The following ANPEP variants were observed in gnomAD, a reference collection of about 807,000 sequenced individuals.
ANPEP encodes aminopeptidase N.
A neutral mutation model predicts 114.6 loss-of-function variants in ANPEP; 70 were observed. That is an observed-to-expected ratio of 0.61 (90% CI 0.50 to 0.75). ANPEP has a LOEUF of 0.75. Ranked by LOEUF, ANPEP falls within the 30% of genes least tolerant of loss-of-function variation. The pLI is 0.00. For missense variants in ANPEP, 1,184 were observed against 1,259.5 expected (o/e 0.94, Z 0.91); for synonymous variants, 548 against 522.3 (o/e 1.05, Z -0.67).
At chr15:89,785,530 C>T (rs200889173) in intron 20 of ANPEP, 29 bp from the exon 21 acceptor site, 28 of 1,562,576 alleles carry the variant, frequency 1.8e-5, no homozygotes, top group South Asian at 5.6e-5. Flanking sequence ...ATTCTCAGTC[C>T]GGCTGGGTCC....
chr15:89,798,047 C>T (rs534957022), intron 14 of ANPEP, among the ~76,000 whole-genome samples: 3 of 152,354 alleles, frequency 2.0e-5, no homozygotes, highest in South Asian at 2.1e-4. Flanking sequence ...ACACACCTCA[C>T]GAGAGACAGA....
At chr15:89,793,164 T>G in intron 15 of ANPEP, 38 bp from the exon 16 acceptor site, 1 of 1,556,174 alleles carries the variant, frequency 6.4e-7, no homozygotes, top group Non-Finnish European at 8.9e-7. Flanking sequence ...CAAAGACTCA[T>G]GCCTGACCTG....
intron 20 of ANPEP, among the ~76,000 whole-genome samples, chr15:89,786,716 G>A: frequency 6.6e-6 from 1 of 151,062 alleles, no homozygotes; most frequent in African/African-American, 2.4e-5. Flanking sequence ...GCAAATTGGA[G>A]GACTCACACT....
At chr15:89,809,093 G>A (rs181382814) in intron 1 of ANPEP, among the ~76,000 whole-genome samples, 3 of 152,312 alleles carry the variant, frequency 2.0e-5, no homozygotes, top group Admixed American at 6.5e-5. Flanking sequence ...GCGAAATCAG[G>A]TGTCAGGAAG....
Position 89,802,790 on chromosome 15 carries a change from C to T in ANPEP, c.1569+449G>A, listed in dbSNP as rs192933143. The T allele has an allele frequency of 2.4e-4, 46 of 191,960 alleles. 1 individual carries two copies. The East Asian group carries it at 4.7e-3, about 20-fold the overall frequency. 11.9% of individuals were successfully genotyped at this position (191,960 alleles called of 1,614,324 possible). A position where few individuals can be genotyped will look rare whatever the true frequency, so the allele number is the denominator to read the frequency against. On this transcript the variant is annotated intron_variant, in intron 10 of 20. Transcript: ENST00000300060. ...GTGCGGGGTCTGATGGAGAGGAACTCGAGCCGGGGCAGGGGCAGAGGGCAG... is the reference window on the plus strand; with the variant it reads ...GTGCGGGGTCTGATGGAGAGGAACTTGAGCCGGGGCAGGGGCAGAGGGCAG...
chr15:89,803,511 G>A lies in ANPEP; in HGVS notation c.1438-4C>T, dbSNP rs369880876. The A allele has an allele frequency of 1.0e-5, 16 of 1,607,066 alleles. No individual in the cohort carries two copies. The highest frequency in any genetic ancestry group is 1.3e-5 in the Non-Finnish European group (15 of 1,178,646). On this transcript the variant is annotated splice_polypyrimidine_tract_variant and splice_region_variant and intron_variant, in intron 8 of 20. Transcript: ENST00000300060. The surrounding 1 kb of genome is among the most constrained non-coding windows in gnomAD (Gnocchi z 4.2). ...GCATCCTGAGGACTGAGGCGCCCTG[G>A]GGTGGGGGTGAGGGGGCGCTCAGAA...
intron 14 of ANPEP, among the ~76,000 whole-genome samples, chr15:89,798,967 CAAA>C (rs138909527): frequency 1.6e-5 from 2 of 124,416 alleles, no homozygotes; most frequent in African/African-American, 5.5e-5. Context: ...AACAAACAAA[CAAA>C]AACAAAAACA....
chr15:89,790,085 TAAAAG>T (rs1968590617), intron 20 of ANPEP, among the ~76,000 whole-genome samples: 1 of 81,098 alleles, frequency 1.2e-5, no homozygotes, highest in East Asian at 3.1e-4. Context: ...ATAAAAAAAA[TAAAAG>T]AATGCGTTTA....
chr15:89,785,212 A>G lies in ANPEP; in HGVS notation c.*137T>C. 8.6e-7 allele frequency: 1 copy of G among 1,167,448 alleles called. No homozygotes were observed. Among genetic ancestry groups the G allele is most frequent in the Non-Finnish European group, 1.2e-6 (1 of 819,044 alleles). 72.3% of individuals were successfully genotyped at this position (1,167,448 alleles called of 1,614,324 possible). On this transcript the variant is annotated 3_prime_UTR_variant, in exon 21 of 21. Coordinates refer to ENST00000300060, the MANE Select transcript of ANPEP (RefSeq NM_001150.3). ...CTAGACTGGCTCACAGGCAGAGAGA[A>G]CGTGGGCTGGAGACTTTGTCCTTGA...
At chr15:89,801,090 C>G in intron 12 of ANPEP, 21 bp downstream of exon 12, 1 of 1,611,654 alleles carries the variant, frequency 6.2e-7, no homozygotes, top group African/African-American at 1.3e-5. Context: ...GGCTGCTGCC[C>G]ATAAGGCAGG....
At chr15:89,801,985 G>A (rs1345130266) in intron 10 of ANPEP, among the ~76,000 whole-genome samples, 1 of 152,146 alleles carries the variant, frequency 6.6e-6, no homozygotes. Context: ...GCAGGGGTGG[G>A]GGACGGGGCC....
In ANPEP at chr15:89,803,924, G is replaced by A; in HGVS notation, c.1258C>T (p.Leu420=). The A allele has an allele frequency of 6.2e-7, 1 of 1,614,174 alleles. No homozygotes were observed. Among genetic ancestry groups the A allele is most frequent in the Non-Finnish European group, 8.5e-7 (1 of 1,180,014 alleles). The change falls in exon 7 of 21, where the codon CTG becomes TTG. Residue 420 remains leucine, a synonymous_variant. Coordinates refer to ENST00000300060, the MANE Select transcript of ANPEP (RefSeq NM_001150.3). This position sits in a 1 kb window ranked among gnomAD's most constrained non-coding sequence, Gnocchi z 4.2. ...GTGGGCTCCGCATAGTCAGCACCCA[G>A]GTACTCCACGTAGGAGGCGAAGCCC... ...NEGFASYVEY[L]GADYAEPTWN...
chr15:89,800,780 C>T (rs1406261148), intron 12 of ANPEP, among the ~76,000 whole-genome samples: 3 of 152,104 alleles, frequency 2.0e-5, no homozygotes, highest in Non-Finnish European at 2.9e-5. Context: ...AGGCTGGTCT[C>T]GAACTCCTGA....
intron 1 of ANPEP, among the ~76,000 whole-genome samples, chr15:89,808,394 G>A (rs1185563382): frequency 2.6e-5 from 4 of 152,228 alleles, no homozygotes; most frequent in Admixed American, 1.3e-4. Flanking sequence ...TTTGATCTGT[G>A]TGGTGATAAC....
At chr15:89,807,117 G>A (rs1894731517) in intron 1 of ANPEP, among the ~76,000 whole-genome samples, 1 of 152,214 alleles carries the variant, frequency 6.6e-6, no homozygotes, top group Admixed American at 6.5e-5. Flanking sequence ...TCAGTGACAA[G>A]GTCCCAGCCT....
intron 20 of ANPEP, among the ~76,000 whole-genome samples, chr15:89,785,784 G>A (rs1208689665): frequency 6.6e-6 from 1 of 152,106 alleles, no homozygotes; most frequent in African/African-American, 2.4e-5. Flanking sequence ...GAGTAGAGAG[G>A]GGCTAATGAA....
intron 4 of ANPEP, 160 bp from the exon 5 acceptor site, chr15:89,804,777 A>C: frequency 9.4e-7 from 1 of 1,067,100 alleles, no homozygotes; most frequent in South Asian, 1.6e-5. Context: ...GGGGAACGCT[A>C]CTGGGGTCTG....
intron 1 of ANPEP, among the ~76,000 whole-genome samples, chr15:89,808,945 C>T (rs1894771905): frequency 6.6e-6 from 1 of 152,162 alleles, no homozygotes; most frequent in African/African-American, 2.4e-5. Flanking sequence ...TCCTGGGTGC[C>T]CACCTTTGAG....
chr15:89,812,845 C>T (rs1165620555), intron 1 of ANPEP, among the ~76,000 whole-genome samples: 1 of 152,198 alleles, frequency 6.6e-6, no homozygotes, highest in Admixed American at 6.5e-5. Context: ...TCCTCCCATA[C>T]AGCCCCTCAC....
Sources: gnomAD v4.1 joint callset for allele counts (sites outside exome capture counted in the v4.1 genomes callset) on GRCh38, gnomAD v4.1.1 for gene constraint, Gnocchi (gnomAD v3.1) non-coding constraint, MANE v1.5 for transcripts, NCBI Gene and HGNC (gene_info 2026-07-23, HGNC 2026-07-21) for gene names.